RORB: variants seen among roughly 807,000 people sequenced by gnomAD.
The protein encoded by RORB is nuclear receptor ROR-beta.
RORB carries 6 observed loss-of-function variants against 59.1 expected under a neutral mutation model. The observed-to-expected ratio is 0.10, with a 90% CI of 0.06 to 0.20. The LOEUF (loss-of-function observed/expected upper bound fraction) is 0.20. Ranked by LOEUF, RORB falls within the 10% of genes least tolerant of loss-of-function variation. The pLI is 1.00. For missense variants in RORB, 320 were observed against 560.5 expected (o/e 0.57, Z 4.33); for synonymous variants, 215 against 204.5 (o/e 1.05, Z -0.44).
intron 9 of RORB, among the ~76,000 whole-genome samples, chr9:74,678,113 T>C (rs1824476014): frequency 6.6e-6 from 1 of 152,154 alleles, no homozygotes; most frequent in Non-Finnish European, 1.5e-5. Context: ...TCTAAATAGA[T>C]TGACATTTAA....
At chr9:74,595,067 G>A (rs1038482080) in intron 1 of RORB, among the ~76,000 whole-genome samples, 2 of 152,160 alleles carry the variant, frequency 1.3e-5, no homozygotes, top group Admixed American at 6.5e-5. Flanking sequence ...AAAAACTGGG[G>A]ACCCTTCACC....
At chr9:74,631,296 T>A (rs1823613142) in intron 2 of RORB, among the ~76,000 whole-genome samples, 1 of 152,214 alleles carries the variant, frequency 6.6e-6, no homozygotes, top group Non-Finnish European at 1.5e-5. Context: ...TAAAGGACCA[T>A]GTGTAACCAG....
In RORB at chr9:74,509,859, G is replaced by GA. The variant is rs202192044; in HGVS notation, c.7+11885dup. Among the ~76,000 whole-genome samples, 14 of 151,196 alleles carry GA rather than the reference G, an allele frequency of 9.3e-5. No individual in the cohort carries two copies. The East Asian group carries it at 2.1e-3, about 23-fold the overall frequency. The stretch of plus-strand genomic sequence containing the variant: ...GTCTAATCATGCTGAGCATTATAAA[G>GA]AAAAAAAAATTACATTTGACATTAA... On this transcript the variant is annotated intron_variant, in intron 1 of 9. Transcript: ENST00000376896.
At chr9:74,545,308 G>A (rs978214200) in intron 1 of RORB, among the ~76,000 whole-genome samples, 8 of 152,146 alleles carry the variant, frequency 5.3e-5, no homozygotes, top group African/African-American at 1.4e-4. Context: ...TTTGGAGCAC[G>A]TTGGTAGTTC....
chr9:74,526,443 C>A (rs758625869), intron 1 of RORB, among the ~76,000 whole-genome samples: 5 of 151,880 alleles, frequency 3.3e-5, no homozygotes, highest in Non-Finnish European at 7.4e-5. Context: ...GTGCCTCCTC[C>A]ATCACACTTT....
At position 74,642,762 on chromosome 9, in the gene RORB, A is replaced by G. The variant is rs1823833101; in HGVS notation, c.584A>G (p.Tyr195Cys). 5 of 1,612,602 alleles carry G rather than the reference A, an allele frequency of 3.1e-6. No homozygotes were observed. Among genetic ancestry groups the G allele is most frequent in the Admixed American group, 1.7e-5 (1 of 59,966 alleles). The change falls in exon 4 of 10, where the codon TAT becomes TGT. Residue 195 changes from tyrosine to cysteine, a missense_variant. By Grantham distance (194) the Tyr-to-Cys change is radical. Coordinates refer to ENST00000376896, the MANE Select transcript of RORB (RefSeq NM_006914.4). ...DLTSVPNLFT[Y>C]SSFNNGQLAP... is the part of the protein sequence containing the mutation. ...ACATCCGTACCCAACTTGTTTACCTATAGCTCTTTCAACAATGGGCAGTTA... is the reference window on the plus strand; with the variant it reads ...ACATCCGTACCCAACTTGTTTACCTGTAGCTCTTTCAACAATGGGCAGTTA...
chr9:74,683,099 C>T (rs189984664), intron 9 of RORB, among the ~76,000 whole-genome samples: 4 of 152,310 alleles, frequency 2.6e-5, no homozygotes, highest in Non-Finnish European at 5.9e-5. Context: ...AGAAGCACCC[C>T]AGCCACTCTT....
At chr9:74,541,878 T>A (rs908079168) in intron 1 of RORB, among the ~76,000 whole-genome samples, 1 of 152,192 alleles carries the variant, frequency 6.6e-6, no homozygotes, top group Non-Finnish European at 1.5e-5. Context: ...GAGACCTCCA[T>A]GACATTAGAT....
chr9:74,623,899 C>T (rs547689512), intron 1 of RORB, among the ~76,000 whole-genome samples: 3 of 152,190 alleles, frequency 2.0e-5, no homozygotes, highest in Non-Finnish European at 4.4e-5. Context: ...GCCGCTACAA[C>T]TTATAAAGTG....
chr9:74,543,396 A>G (rs1363155757), intron 1 of RORB, among the ~76,000 whole-genome samples: 2 of 152,228 alleles, frequency 1.3e-5, no homozygotes, highest in African/African-American at 4.8e-5. Flanking sequence ...TGGGAAAACA[A>G]CAGAGGCCCA....
intron 1 of RORB, among the ~76,000 whole-genome samples, chr9:74,510,954 C>A (rs1360253018): frequency 6.6e-6 from 1 of 152,114 alleles, no homozygotes; most frequent in Non-Finnish European, 1.5e-5. Context: ...TTAACTTAAA[C>A]CCTTAAAAAT....
At chr9:74,649,353 G>T (rs1404784153) in intron 4 of RORB, among the ~76,000 whole-genome samples, 1 of 152,112 alleles carries the variant, frequency 6.6e-6, no homozygotes, top group Admixed American at 6.5e-5. Context: ...ACCTTGTTCT[G>T]TGCCAACCAC....
chr9:74,552,586 C>T (rs17060345), intron 1 of RORB, among the ~76,000 whole-genome samples: 2,427 of 152,066 alleles, frequency 0.016, 57 homozygotes, highest in African/African-American at 0.051. Context: ...AATAGTTCAA[C>T]GTAGGGTCAT....
intron 1 of RORB, among the ~76,000 whole-genome samples, chr9:74,573,845 A>G (rs953269640): frequency 1.3e-5 from 2 of 152,164 alleles, no homozygotes; most frequent in East Asian, 3.8e-4. Context: ...TTCTAAAACC[A>G]CTGTGGAGCA....
chr9:74,608,691 G>GTT (rs11387256), intron 1 of RORB, among the ~76,000 whole-genome samples: 3 of 151,984 alleles, frequency 2.0e-5, no homozygotes, highest in African/African-American at 4.8e-5. Flanking sequence ...ACTGTGAATG[G>GTT]TTTTTATAAC....
chr9:74,543,877 T>C (rs908362652), intron 1 of RORB, among the ~76,000 whole-genome samples: 2 of 152,208 alleles, frequency 1.3e-5, no homozygotes, highest in Non-Finnish European at 2.9e-5. Context: ...GCTAAATGCA[T>C]ATAATATGAA....
intron 1 of RORB, among the ~76,000 whole-genome samples, chr9:74,589,732 G>C (rs1016091942): frequency 6.6e-6 from 1 of 152,010 alleles, no homozygotes; most frequent in Non-Finnish European, 1.5e-5. Flanking sequence ...CCCCACGCTC[G>C]CCTCCCCCAG....
intron 6 of RORB, among the ~76,000 whole-genome samples, chr9:74,662,985 C>T (rs1220423782): frequency 2.0e-5 from 3 of 151,892 alleles, no homozygotes; most frequent in African/African-American, 7.3e-5. Flanking sequence ...CCTCTGTGGT[C>T]ATTTCCAATC....
chr9:74,675,844 G>A (rs1410053140), intron 9 of RORB, among the ~76,000 whole-genome samples: 2 of 152,160 alleles, frequency 1.3e-5, no homozygotes, highest in Non-Finnish European at 2.9e-5. Flanking sequence ...AGGAACCTGT[G>A]ATGCTCTTTC....
Sources: gnomAD v4.1 joint callset for allele counts (sites outside exome capture counted in the v4.1 genomes callset) on GRCh38, gnomAD v4.1.1 for gene constraint, MANE v1.5 for transcripts, NCBI Gene and HGNC (gene_info 2026-07-23, HGNC 2026-07-21) for gene names.